STX7: variants seen among roughly 807,000 people sequenced by gnomAD.
STX7 encodes syntaxin-7.
Under a neutral mutation model 39.6 loss-of-function variants are expected in STX7, and 34 were observed. The observed-to-expected ratio is 0.86, with a 90% CI of 0.65 to 1.14. STX7 has a LOEUF of 1.14. Ranked by LOEUF, STX7 falls within the 50% of genes most tolerant of loss-of-function variation. STX7 has a pLI of 0.00. For synonymous variants in STX7, 119 were observed against 99.1 expected, an observed-to-expected ratio of 1.20 and a Z score of -1.19; for missense variants, 284 against 310.4, an observed-to-expected ratio of 0.92 and a Z score of 0.64.
At chr6:132,461,757 A>C in intron 9 of STX7, 1 of 1,410,012 alleles carries the variant, frequency 7.1e-7, no homozygotes, top group South Asian at 1.5e-5. Context: ...GCTGTCATTG[A>C]AAACCGAATG....
intron 1 of STX7, among the ~76,000 whole-genome samples, chr6:132,504,946 T>C (rs917796798): frequency 6.6e-6 from 1 of 152,140 alleles, no homozygotes; most frequent in African/African-American, 2.4e-5. Context: ...ACATGCAGTA[T>C]GGTATTTACA....
Position 132,453,299 on chromosome 6 carries a change from T to C in STX7, c.*7459A>G, listed in dbSNP as rs1309333541. ...AGTAAAACGTAAACTATAATACTTT[T>C]AGAAAACAACATAAAAGAGAAAATT... On this transcript the variant is annotated 3_prime_UTR_variant, in exon 10 of 10. Coordinates refer to ENST00000367941, the MANE Select transcript of STX7 (RefSeq NM_003569.3). 6.6e-6 allele frequency: 1 copy of C among 152,122 alleles called. No homozygotes were observed. The highest frequency in any genetic ancestry group is 1.5e-5 in the Non-Finnish European group (1 of 67,980). 9.4% of individuals were successfully genotyped at this position (152,122 alleles called of 1,614,324 possible).
At chr6:132,492,447 A>T (rs1424082620) in intron 2 of STX7, among the ~76,000 whole-genome samples, 1 of 151,996 alleles carries the variant, frequency 6.6e-6, no homozygotes, top group African/African-American at 2.4e-5. Context: ...TTAAAGGTTC[A>T]CTCCATAAAG....
At chr6:132,496,856 C>T (rs1775431845) in intron 2 of STX7, among the ~76,000 whole-genome samples, 1 of 152,150 alleles carries the variant, frequency 6.6e-6, no homozygotes, top group Admixed American at 6.5e-5. Flanking sequence ...TTTAGCTCAG[C>T]TACACTCTAA....
At chr6:132,509,489 T>A (rs1449130568) in intron 1 of STX7, among the ~76,000 whole-genome samples, 19 of 105,316 alleles carry the variant, frequency 1.8e-4, no homozygotes, top group Admixed American at 5.6e-4. Flanking sequence ...TAACATAACA[T>A]AACATAACAT....
chr6:132,470,766 G>T, intron 5 of STX7, 140 bp from the exon 6 acceptor site: 1 of 420,740 alleles, frequency 2.4e-6, no homozygotes, highest in African/African-American at 2.1e-5. Context: ...TGTGTGTAGA[G>T]ACAGAGAGAA....
At chr6:132,512,451 G>A (rs1420137347) in intron 1 of STX7, among the ~76,000 whole-genome samples, 1 of 152,090 alleles carries the variant, frequency 6.6e-6, no homozygotes, top group Non-Finnish European at 1.5e-5. Context: ...TATACTCAAA[G>A]AATGTCAAAG....
intron 2 of STX7, among the ~76,000 whole-genome samples, chr6:132,495,106 T>C (rs947638287): frequency 3.9e-5 from 6 of 152,194 alleles, no homozygotes; most frequent in Admixed American, 1.3e-4. Context: ...GAAGCATATG[T>C]ATGGTTCACA....
At chr6:132,472,127 A>G (rs1269931867) in intron 4 of STX7, among the ~76,000 whole-genome samples, 155 bp downstream of exon 4, 1 of 152,240 alleles carries the variant, frequency 6.6e-6, no homozygotes, top group East Asian at 1.9e-4. Flanking sequence ...GCAATTAAAT[A>G]TAGTTTTGTG....
chr6:132,478,450 A>G (rs1774930782), intron 2 of STX7, among the ~76,000 whole-genome samples: 1 of 151,896 alleles, frequency 6.6e-6, no homozygotes. Context: ...TCTCACTCAT[A>G]CTCCCTGAGT....
At chr6:132,489,200 T>TAAAAAAAAA (rs745673648) in intron 2 of STX7, among the ~76,000 whole-genome samples, 2 of 83,192 alleles carry the variant, frequency 2.4e-5, no homozygotes, top group African/African-American at 1.2e-4. Flanking sequence ...GACTCTGTCT[T>TAAAAAAAAA]AAAAAAAAAA....
At chr6:132,488,441 T>A (rs1036287470) in intron 2 of STX7, among the ~76,000 whole-genome samples, 1 of 152,240 alleles carries the variant, frequency 6.6e-6, no homozygotes, top group Admixed American at 6.5e-5. Flanking sequence ...TGATTTTGTA[T>A]CTACTTGTTT....
At chr6:132,493,131 A>C (rs1338449132) in intron 2 of STX7, among the ~76,000 whole-genome samples, 1 of 152,214 alleles carries the variant, frequency 6.6e-6, no homozygotes, top group Non-Finnish European at 1.5e-5. Flanking sequence ...GGCCATACTC[A>C]ATATCATTAA....
Position 132,475,537 on chromosome 6 carries a change from G to T in STX7, c.155+56C>A, listed in dbSNP as rs758993612. 7.9e-6 allele frequency: 10 copies of T among 1,260,704 alleles called. No homozygotes were observed. The East Asian group carries it at 1.9e-4, about 24-fold the overall frequency. The allele number at this position is 1,260,704 out of a possible 1,614,324, so 78.1% of individuals were successfully genotyped here. A position where few individuals can be genotyped will look rare whatever the true frequency, so the allele number is the denominator to read the frequency against. ...TATACTACATACTGTAAAAGCAACA[G>T]AATAATAGCAATAGAGTTTTTTCTT... On this transcript the variant is annotated intron_variant, in intron 3 of 9. Coordinates refer to ENST00000367941, the MANE Select transcript of STX7 (RefSeq NM_003569.3).
chr6:132,482,390 T>C (rs1477611014), intron 2 of STX7, among the ~76,000 whole-genome samples: 1 of 152,154 alleles, frequency 6.6e-6, no homozygotes, highest in Non-Finnish European at 1.5e-5. Context: ...AACATAAATC[T>C]GAAACTACTA....
intron 2 of STX7, among the ~76,000 whole-genome samples, chr6:132,495,941 C>T (rs1775411575): frequency 6.6e-6 from 1 of 152,118 alleles, no homozygotes; most frequent in Non-Finnish European, 1.5e-5. Flanking sequence ...AAACTAAAGT[C>T]TATGCTGAAC....
chr6:132,503,563 T>G lies in STX7; in HGVS notation c.-33A>C. The stretch of plus-strand genomic sequence containing the variant: ...GTTCTTATTCGCTAATTTCATCAGA[T>G]GCTGTGCAGTTTTCTAAGCAGTCAC... On this transcript the variant is annotated 5_prime_UTR_variant, in exon 2 of 10. Transcript: ENST00000367941. 2 of 1,561,556 alleles carry G rather than the reference T, an allele frequency of 1.3e-6. No homozygotes were observed. The highest frequency in any genetic ancestry group is 8.8e-7 in the Non-Finnish European group (1 of 1,133,132).
intron 2 of STX7, 69 bp from the exon 3 acceptor site, chr6:132,475,731 A>G (rs903431872): frequency 1.1e-5 from 12 of 1,100,570 alleles, no homozygotes; most frequent in Middle Eastern, 2.4e-4. Flanking sequence ...TTAAAAATTA[A>G]TATGTACAAG....
rs182758312 is a variant in STX7 at position 132,451,070 on chromosome 6, T to C, written c.*9688A>G. The C allele has an allele frequency of 7.3e-5, 11 of 151,066 alleles. No homozygotes were observed. In the East Asian group the frequency reaches 1.7e-3, roughly 24 times the overall value. The allele number at this position is 151,066 out of a possible 1,614,324, so 9.4% of individuals were successfully genotyped here. On this transcript the variant is annotated 3_prime_UTR_variant, in exon 10 of 10. Transcript: ENST00000367941. ...GACCAAAACAATTTAAAAAACTGGATTTCTCATGGGGAACCATGAAATTTT... is the reference window on the plus strand; with the variant it reads ...GACCAAAACAATTTAAAAAACTGGACTTCTCATGGGGAACCATGAAATTTT...
Sources: allele counts gnomAD v4.1 joint callset (sites outside exome capture counted in the v4.1 genomes callset), GRCh38; gene constraint gnomAD v4.1.1; transcripts MANE v1.5; gene names NCBI Gene and HGNC (gene_info 2026-07-23, HGNC 2026-07-21).